The following RMDN2 variants were observed in gnomAD, a reference collection of about 807,000 sequenced individuals.
RMDN2 encodes regulator of microtubule dynamics 2.
In RMDN2, 61 loss-of-function variants were observed where a neutral mutation model predicts 52.8. The observed-to-expected ratio is 1.16, with a 90% CI of 0.94 to 1.43. RMDN2 has a LOEUF of 1.43. Among genes scored for constraint, RMDN2 ranks in the 40% most tolerant of loss-of-function variants. The pLI is 0.00. For missense variants in RMDN2, 592 were observed against 475.3 expected (o/e 1.25, Z -2.28); for synonymous variants, 180 against 153.1 (o/e 1.18, Z -1.30).
At chr2:38,004,412 A>G (rs878945567) in intron 10 of RMDN2, among the ~76,000 whole-genome samples, 196 bp downstream of exon 10, 2 of 152,264 alleles carry the variant, frequency 1.3e-5, no homozygotes, top group Non-Finnish European at 2.9e-5. Context: ...CATATACATT[A>G]TGAAATGACT....
intron 2 of RMDN2, among the ~76,000 whole-genome samples, chr2:37,947,998 CT>C (rs1197510256): frequency 6.6e-6 from 1 of 152,134 alleles, no homozygotes; most frequent in Non-Finnish European, 1.5e-5. Flanking sequence ...TAGACTCCAG[CT>C]TAGATAGGCA....
chr2:37,974,548 C>T (rs1672216692), intron 3 of RMDN2: 1 of 152,206 alleles, frequency 6.6e-6, no homozygotes, highest in Admixed American at 6.6e-5. Context: ...GTATTCAAAG[C>T]TATTTCTACC....
chr2:37,955,014 G>T (rs1669275956), intron 2 of RMDN2, among the ~76,000 whole-genome samples: 1 of 151,962 alleles, frequency 6.6e-6, no homozygotes, highest in African/African-American at 2.4e-5. Context: ...TTAATGCATA[G>T]AAATACACCT....
At chr2:38,060,410 C>T (rs1356532128) in intron 10 of RMDN2, among the ~76,000 whole-genome samples, 2 of 152,210 alleles carry the variant, frequency 1.3e-5, no homozygotes, top group African/African-American at 2.4e-5. Flanking sequence ...TCTTCCACCG[C>T]TTTGTCCAGC....
chr2:38,043,658 A>C (rs1008487002), intron 10 of RMDN2, among the ~76,000 whole-genome samples: 1 of 152,118 alleles, frequency 6.6e-6, no homozygotes, highest in Middle Eastern at 3.4e-3. Context: ...TAATTCTTTC[A>C]AGAAACATTT....
At chr2:38,014,305 C>G (rs1205199228) in intron 10 of RMDN2, among the ~76,000 whole-genome samples, 2 of 152,146 alleles carry the variant, frequency 1.3e-5, no homozygotes, top group South Asian at 4.1e-4. Context: ...TGTAGAAAGT[C>G]TGTTTACAAC....
At chr2:37,935,310 A>C (rs561826541) in intron 2 of RMDN2, among the ~76,000 whole-genome samples, 1 of 152,316 alleles carries the variant, frequency 6.6e-6, no homozygotes, top group African/African-American at 2.4e-5. Flanking sequence ...GAAACTCTTA[A>C]CTTTCACTTT....
chr2:37,958,254 A>G (rs1044831698), intron 2 of RMDN2, among the ~76,000 whole-genome samples: 1 of 152,168 alleles, frequency 6.6e-6, no homozygotes, highest in Non-Finnish European at 1.5e-5. Flanking sequence ...CATTTTCACA[A>G]TACTGATTCT....
chr2:37,962,888 G>T (rs923270082), intron 2 of RMDN2, among the ~76,000 whole-genome samples: 1 of 152,226 alleles, frequency 6.6e-6, no homozygotes, highest in African/African-American at 2.4e-5. Context: ...GAAAAGCGTA[G>T]CATCTGGGCT....
Position 38,015,058 on chromosome 2 carries a change from G to A in RMDN2, c.1180-2128G>A, listed in dbSNP as rs143769432. Among the ~76,000 whole-genome samples, 41 of 152,264 alleles carry A rather than the reference G, an allele frequency of 2.7e-4. 1 individual carries two copies. In the East Asian group the frequency reaches 7.3e-3, roughly 27 times the overall value. On this transcript the variant is annotated intron_variant, in intron 10 of 10. Transcript: ENST00000354545. ...TTTAAGACTTGCTTGGACAGTAGAGGGCTCATTAAAAATACAGGTTCCTGG... is the reference window on the plus strand; with the variant it reads ...TTTAAGACTTGCTTGGACAGTAGAGAGCTCATTAAAAATACAGGTTCCTGG...
intron 10 of RMDN2, among the ~76,000 whole-genome samples, chr2:38,040,045 C>CATTGTTATT (rs1553388014): frequency 7.1e-6 from 1 of 141,686 alleles, no homozygotes; most frequent in African/African-American, 2.6e-5. Flanking sequence ...TGTCTAGATT[C>CATTGTTATT]ATTATTATTA....
chr2:38,004,726 G>C (rs1365988661), intron 10 of RMDN2, among the ~76,000 whole-genome samples: 1 of 151,536 alleles, frequency 6.6e-6, no homozygotes. Flanking sequence ...TAAGTTTTAG[G>C]GTACATGTGC....
chr2:38,062,187 A>C (rs1029975881), intron 10 of RMDN2, among the ~76,000 whole-genome samples: 1 of 152,234 alleles, frequency 6.6e-6, no homozygotes, highest in African/African-American at 2.4e-5. Context: ...TCACAATCAG[A>C]AAACCTTCCA....
At chr2:38,037,478 G>A (rs577825986) in intron 10 of RMDN2, among the ~76,000 whole-genome samples, 4 of 152,206 alleles carry the variant, frequency 2.6e-5, no homozygotes, top group Non-Finnish European at 5.9e-5. Flanking sequence ...TGGGCTCATT[G>A]TGGAGAATCC....
At chr2:37,975,102 TA>T in intron 3 of RMDN2, 109 bp from the exon 4 acceptor site, 1 of 690,130 alleles carries the variant, frequency 1.4e-6, no homozygotes, top group Non-Finnish European at 2.6e-6. Flanking sequence ...CAATAATCTA[TA>T]AATACCAGTT....
chr2:37,940,138 T>A (rs1322433146), intron 2 of RMDN2, among the ~76,000 whole-genome samples: 2 of 152,240 alleles, frequency 1.3e-5, no homozygotes, highest in Non-Finnish European at 2.9e-5. Flanking sequence ...TCTTCACTTG[T>A]GAAGCTTAGT....
chr2:37,983,015 T>G (rs1243696548), intron 5 of RMDN2, among the ~76,000 whole-genome samples: 1 of 151,866 alleles, frequency 6.6e-6, no homozygotes, highest in Non-Finnish European at 1.5e-5. Context: ...AACTCTCAAC[T>G]CCTCCTCCTC....
At chr2:37,928,975 G>T in intron 1 of RMDN2, 1 of 200,348 alleles carries the variant, frequency 5.0e-6, no homozygotes. Context: ...CTCTATTATT[G>T]TCTTGATATG....
chr2:37,989,863 G>T (rs1029035328), intron 6 of RMDN2, among the ~76,000 whole-genome samples: 2 of 152,096 alleles, frequency 1.3e-5, no homozygotes, highest in African/African-American at 4.8e-5. Context: ...TTATTAGTTG[G>T]CCGGGCACAG....
Sources: gnomAD v4.1 joint callset for allele counts (sites outside exome capture counted in the v4.1 genomes callset) on GRCh38, gnomAD v4.1.1 for gene constraint, MANE v1.5 for transcripts, NCBI Gene and HGNC (gene_info 2026-07-23, HGNC 2026-07-21) for gene names.